Variants in HIVEP1 observed in about 807,000 individuals in gnomAD.
The protein encoded by HIVEP1 is zinc finger protein 40.
In HIVEP1, 36 loss-of-function variants were observed where a neutral mutation model predicts 180.0. That is an observed-to-expected ratio of 0.20 (90% confidence interval 0.15 to 0.26). The LOEUF is 0.26. HIVEP1 is among the 10% of genes least tolerant of loss of function. The probability of loss-of-function intolerance (pLI) is 1.00; values close to 1 mark genes in which losing one functional copy is unlikely to be tolerated. For synonymous variants in HIVEP1, 1,239 were observed against 1,239.0 expected (o/e 1.00, Z 0.00); for missense variants, 3,143 against 3,268.7 (o/e 0.96, Z 0.94).
intron 3 of HIVEP1, among the ~76,000 whole-genome samples, chr6:12,090,063 A>G (rs978810223): frequency 1.3e-5 from 2 of 152,150 alleles, no homozygotes; most frequent in Non-Finnish European, 2.9e-5. Context: ...ATTGGTTTTC[A>G]CCATAGAAAA....
At chr6:12,207,780 C>T in the HIVEP1 span, among the ~76,000 whole-genome samples, 8 of 49,460 alleles carry the variant, frequency 1.6e-4, no homozygotes, top group Admixed American at 5.5e-4. Context: ...CCAGGTGTGG[C>T]GGTACATGAC....
At chr6:12,168,895 CGTT>C (rs754559882), downstream of HIVEP1, among the ~76,000 whole-genome samples, 8 of 152,034 alleles carry the variant, frequency 5.3e-5, no homozygotes, top group African/African-American at 9.6e-5. Flanking sequence ...GCTTTTTTGT[CGTT>C]GTTGTTGTTG....
rs554114032 is a variant in HIVEP1, at chr6:12,067,854, G to A, written c.41-21330G>A. Among the ~76,000 whole-genome samples the A allele has an allele frequency of 8.5e-5, 13 of 152,250 alleles. No individual in the cohort carries two copies. The South Asian group carries it at 2.7e-3, about 32-fold the overall frequency. ...ATGTAGTCTTGAGGAATTGTAAGAT[G>A]TTAGGGTGTTTGTTGGTTTATTTTG... On this transcript the variant is annotated intron_variant, in intron 2 of 8. Coordinates refer to ENST00000379388, the MANE Select transcript of HIVEP1 (RefSeq NM_002114.4).
At chr6:12,132,994 G>T (rs1350809396) in intron 6 of HIVEP1, among the ~76,000 whole-genome samples, 1 of 151,952 alleles carries the variant, frequency 6.6e-6, no homozygotes, top group Non-Finnish European at 1.5e-5. Context: ...TGATTTACTT[G>T]CTATACTAGC....
At chr6:12,013,612 C>T (rs1767538738) in intron 1 of HIVEP1, among the ~76,000 whole-genome samples, 1 of 152,194 alleles carries the variant, frequency 6.6e-6, no homozygotes, top group African/African-American at 2.4e-5. Flanking sequence ...TAAAAACTTC[C>T]AAATATCGTT....
intron 2 of HIVEP1, among the ~76,000 whole-genome samples, chr6:12,087,169 G>A (rs1295115191): frequency 6.6e-6 from 1 of 152,102 alleles, no homozygotes; most frequent in Non-Finnish European, 1.5e-5. Flanking sequence ...AGATAAAAAG[G>A]TAACTTAGTT....
intron 2 of HIVEP1, 105 bp downstream of exon 2, chr6:12,015,773 T>G: frequency 1.0e-6 from 1 of 979,532 alleles, no homozygotes; most frequent in Non-Finnish European, 1.6e-6. Flanking sequence ...CCCTGCCTGG[T>G]GAGGAGCGCT....
At chr6:12,137,094 T>A (rs1339786159) in intron 7 of HIVEP1, among the ~76,000 whole-genome samples, 1 of 152,196 alleles carries the variant, frequency 6.6e-6, no homozygotes, top group Non-Finnish European at 1.5e-5. Flanking sequence ...AATTTACTTA[T>A]AAATATACAA....
chr6:12,058,480 C>T (rs1352622549), intron 2 of HIVEP1, among the ~76,000 whole-genome samples: 1 of 152,122 alleles, frequency 6.6e-6, no homozygotes, highest in African/African-American at 2.4e-5. Flanking sequence ...ACCTGGAGAG[C>T]ATTGATTCAA....
At chr6:12,014,777 A>C (rs1302094270) in intron 1 of HIVEP1, among the ~76,000 whole-genome samples, 1 of 152,262 alleles carries the variant, frequency 6.6e-6, no homozygotes, top group Non-Finnish European at 1.5e-5. Flanking sequence ...AAGTCAGGAC[A>C]GGCTAGGTTG....
At chr6:12,109,770 C>G (rs1774766727) in intron 3 of HIVEP1, among the ~76,000 whole-genome samples, 1 of 152,238 alleles carries the variant, frequency 6.6e-6, no homozygotes, top group Non-Finnish European at 1.5e-5. Context: ...GACCTCCTCT[C>G]ATCAATCATG....
rs781160070 is a variant in HIVEP1, at chr6:12,120,097, C to T, written c.302C>T (p.Pro101Leu). The change falls in exon 4 of 9, where the codon CCT becomes CTT. Residue 101 changes from proline (P) to leucine (L), a missense_variant. This residue lies in a region of HIVEP1 where 114 missense variants were observed against 134.5 expected (regional missense o/e 0.85). Transcript: ENST00000379388. ...SESHKKQNYIPVKNGKQFTKQ... is the reference protein window; with the variant it reads ...SESHKKQNYILVKNGKQFTKQ... Reference sequence around the variant, plus strand: ...TCTCACAAGAAACAGAATTATATTCCTGTAAAAAATGGGAAGCAGTTTACC... The same window carrying T: ...TCTCACAAGAAACAGAATTATATTCTTGTAAAAAATGGGAAGCAGTTTACC... 1.1e-5 allele frequency: 18 copies of T among 1,613,010 alleles called. No individual in the cohort carries two copies. Among genetic ancestry groups the T allele is most frequent in the Non-Finnish European group, 1.5e-5 (18 of 1,179,668 alleles).
chr6:12,204,870 G>A, the HIVEP1 span, among the ~76,000 whole-genome samples: 5 of 152,296 alleles, frequency 3.3e-5, no homozygotes, highest in Admixed American at 2.0e-4. Flanking sequence ...CAATAAACAT[G>A]TATGACATCA....
chr6:12,033,644 C>T (rs75935462), intron 2 of HIVEP1, among the ~76,000 whole-genome samples: 3,962 of 152,180 alleles, frequency 0.026, 170 homozygotes, highest in African/African-American at 0.09. Context: ...TGTCCAAACC[C>T]TCTTAATAAT....
intron 3 of HIVEP1, among the ~76,000 whole-genome samples, chr6:12,104,396 T>TTCTCTCTCTCTC (rs70981664): frequency 6.5e-4 from 82 of 126,634 alleles, no homozygotes; most frequent in African/African-American, 2.4e-3. Flanking sequence ...CTCTCTTCGT[T>TTCTCTCTCTCTC]TCTCTCTCTC....
intron 2 of HIVEP1, among the ~76,000 whole-genome samples, chr6:12,020,764 A>G (rs779641055): frequency 3.3e-5 from 5 of 152,164 alleles, no homozygotes; most frequent in Non-Finnish European, 7.4e-5. Flanking sequence ...ACCTTTTGCA[A>G]AACATGTTTT....
chr6:12,122,326 C>T lies in HIVEP1; in HGVS notation c.2531C>T (p.Thr844Ile). ...LPITRSNSMPTTGYSAVPANI... is the reference protein window; with the variant it reads ...LPITRSNSMPITGYSAVPANI... ...ATCACAAGAAGTAATTCCATGCCGA[C>T]CACAGGTTATTCAGCAGTACCTGCA... is the stretch of plus-strand genomic sequence containing the variant. Residue 844 changes from threonine to isoleucine, a missense_variant, in exon 4 of 9, where the codon ACC (threonine) becomes ATC (isoleucine). Transcript: ENST00000379388. 6.2e-7 allele frequency: 1 copy of T among 1,614,224 alleles called. No individual in the cohort carries two copies. Among genetic ancestry groups the T allele is most frequent in the African/African-American group, 1.3e-5 (1 of 75,060 alleles).
intron 2 of HIVEP1, among the ~76,000 whole-genome samples, chr6:12,076,216 A>G (rs1561915886): frequency 6.6e-6 from 1 of 152,192 alleles, no homozygotes; most frequent in Non-Finnish European, 1.5e-5. Flanking sequence ...TCAATATCAG[A>G]TTATATTTGA....
the HIVEP1 span, among the ~76,000 whole-genome samples, chr6:12,190,813 T>G: frequency 2.6e-5 from 4 of 152,282 alleles, no homozygotes; most frequent in South Asian, 6.2e-4. Context: ...ACATTGCAAC[T>G]GGGTTGGAAT....
Sources: gnomAD v4.1 joint callset for allele counts (sites outside exome capture counted in the v4.1 genomes callset) on GRCh38, gnomAD v4.1.1 for gene constraint, gnomAD v4.1.1 regional missense constraint, MANE v1.5 for transcripts, NCBI Gene and HGNC (gene_info 2026-07-23, HGNC 2026-07-21) for gene names.